AUTS2: variants seen among roughly 807,000 people sequenced by gnomAD.
AUTS2 encodes the protein autism susceptibility gene 2 protein.
AUTS2 carries 17 observed loss-of-function variants against 112.4 expected under a neutral mutation model. That is an observed-to-expected ratio of 0.15 (90% CI 0.10 to 0.23). The LOEUF (loss-of-function observed/expected upper bound fraction) is 0.23, where lower values mean the gene tolerates loss of function less well. Among genes scored for constraint, AUTS2 ranks in the 10% least tolerant of loss-of-function variants. The pLI is 1.00. For missense variants in AUTS2, 1,510 were observed against 1,701.6 expected (o/e 0.89, Z 1.98); for synonymous variants, 751 against 702.7 (o/e 1.07, Z -1.09).
In AUTS2 at chr7:70,032,069, G is replaced by T. The variant is rs150545226; in HGVS notation, c.523-86063G>T. Among the ~76,000 whole-genome samples the T allele has an allele frequency of 4.1e-4, 63 of 152,134 alleles. 2 individuals carry two copies. Among genetic ancestry groups the T allele is most frequent in the African/African-American group, 1.2e-3 (49 of 41,508 alleles). ...TGACTAAAGTCTTGGCACCAACTAA[G>T]TTCTTCTCATAGTGGGTCATAAAAG... On this transcript the variant is annotated intron_variant, in intron 2 of 18. Coordinates refer to ENST00000342771, the MANE Select transcript of AUTS2 (RefSeq NM_015570.4).
chr7:70,036,317 T>C (rs760527453), intron 2 of AUTS2, among the ~76,000 whole-genome samples: 14 of 152,342 alleles, frequency 9.2e-5, no homozygotes, highest in Non-Finnish European at 1.8e-4. Flanking sequence ...ATGAGAACTT[T>C]TAAGTAACAA....
intron 2 of AUTS2, among the ~76,000 whole-genome samples, chr7:70,087,907 C>T (rs1803695320): frequency 6.6e-6 from 1 of 152,072 alleles, no homozygotes; most frequent in Non-Finnish European, 1.5e-5. Context: ...AAGGGCTTTT[C>T]AGGTTTTCTA....
At chr7:70,125,245 ATG>A (rs59747508) in intron 3 of AUTS2, among the ~76,000 whole-genome samples, 5,701 of 144,668 alleles carry the variant, frequency 0.039, 129 homozygotes, top group African/African-American at 0.065. Flanking sequence ...TTATTTGGAG[ATG>A]TGTGTGTGTG....
rs1039735125 is a variant in AUTS2 at position 70,316,669 on chromosome 7, G to A, written c.661-119083G>A. Among the ~76,000 whole-genome samples the A allele has an allele frequency of 4.6e-5, 7 of 152,088 alleles. No homozygotes were observed. In the East Asian group the frequency reaches 1.3e-3, roughly 29 times the overall value. ...CCACCTTGGCCTCCCAAAGTGCTTG[G>A]ATTACAGGTGTGAGCCACCACACCC... On this transcript the variant is annotated intron_variant, in intron 4 of 18. Transcript: ENST00000342771.
At chr7:70,765,051 C>G in intron 8 of AUTS2, 46 bp downstream of exon 8, 1 of 1,606,202 alleles carries the variant, frequency 6.2e-7, no homozygotes, top group Non-Finnish European at 8.5e-7. Flanking sequence ...CCCACCGCCC[C>G]TCGCTGTGAC....
chr7:70,024,380 G>GAT (rs1020421825), intron 2 of AUTS2, among the ~76,000 whole-genome samples: 3 of 152,190 alleles, frequency 2.0e-5, no homozygotes, highest in Non-Finnish European at 4.4e-5. Flanking sequence ...CAATGGAATG[G>GAT]ATTGTTGCTT....
chr7:70,584,579 G>C (rs763746204), intron 5 of AUTS2, among the ~76,000 whole-genome samples: 46 of 152,220 alleles, frequency 3.0e-4, no homozygotes, highest in Non-Finnish European at 5.1e-4. Flanking sequence ...AATAAAGAAG[G>C]CATCTTGGGT....
chr7:70,245,433 A>G (rs1812873240), intron 4 of AUTS2, among the ~76,000 whole-genome samples: 1 of 152,154 alleles, frequency 6.6e-6, no homozygotes, highest in Non-Finnish European at 1.5e-5. Context: ...GAATACTTAC[A>G]GTAAACATTT....
At chr7:70,246,069 A>G (rs993784941) in intron 4 of AUTS2, among the ~76,000 whole-genome samples, 4 of 152,056 alleles carry the variant, frequency 2.6e-5, no homozygotes, top group African/African-American at 9.7e-5. Context: ...TTTCTTATTC[A>G]GTTATAAGAG....
At chr7:70,604,811 G>T (rs927355701) in intron 5 of AUTS2, among the ~76,000 whole-genome samples, 19 of 152,358 alleles carry the variant, frequency 1.2e-4, no homozygotes, top group Admixed American at 3.9e-4. Context: ...GCATCTAGCT[G>T]CAAGGGAGGC....
chr7:70,018,555 A>G (rs1363572435), intron 2 of AUTS2, among the ~76,000 whole-genome samples: 2 of 152,342 alleles, frequency 1.3e-5, no homozygotes, highest in African/African-American at 2.4e-5. Context: ...CTTCTCTATG[A>G]CATTGACTGT....
chr7:70,006,325 G>T (rs1025102700), intron 2 of AUTS2, among the ~76,000 whole-genome samples: 5 of 152,026 alleles, frequency 3.3e-5, no homozygotes, highest in African/African-American at 1.2e-4. Context: ...GAAACGAGGA[G>T]GGGGGAGAAG....
chr7:70,720,099 T>G (rs1464533473), intron 6 of AUTS2, among the ~76,000 whole-genome samples: 1 of 152,140 alleles, frequency 6.6e-6, no homozygotes, highest in Non-Finnish European at 1.5e-5. Flanking sequence ...TCCCCTACTT[T>G]AAAAAGCCTT....
At chr7:70,713,669 C>T (rs555291275) in intron 6 of AUTS2, among the ~76,000 whole-genome samples, 40 of 151,800 alleles carry the variant, frequency 2.6e-4, no homozygotes, top group African/African-American at 9.7e-4. Context: ...CCGAGGCAGG[C>T]GGATCACGAG....
chr7:70,476,990 A>G (rs988031941), intron 5 of AUTS2, among the ~76,000 whole-genome samples: 1 of 152,192 alleles, frequency 6.6e-6, no homozygotes, highest in Non-Finnish European at 1.5e-5. Context: ...TGAGGATGCC[A>G]GGTCTTTTCT....
At chr7:69,837,953 T>G (rs1791799097) in intron 1 of AUTS2, among the ~76,000 whole-genome samples, 1 of 152,190 alleles carries the variant, frequency 6.6e-6, no homozygotes, top group Non-Finnish European at 1.5e-5. Flanking sequence ...CAGCTAAGGC[T>G]CTGGACTAGA....
chr7:70,548,355 C>T (rs1800874542), intron 5 of AUTS2, among the ~76,000 whole-genome samples: 1 of 152,028 alleles, frequency 6.6e-6, no homozygotes, highest in East Asian at 1.9e-4. Flanking sequence ...TATTTTCTCC[C>T]AGTCAGTGGC....
rs1388193058 is a variant in AUTS2 at position 70,134,578 on chromosome 7, C to CT, written c.660+8dup. 9 of 1,613,018 alleles carry CT rather than the reference C, an allele frequency of 5.6e-6. No homozygotes were observed. The Admixed American group carries it at 1.2e-4, about 21-fold the overall frequency. ...CTTGGGAACAGGCTACTTCGTAAGT[C>CT]TATCTCAACTTCCACATATGTGCCT... On this transcript the variant is annotated splice_region_variant and intron_variant, in intron 4 of 18. Coordinates refer to ENST00000342771, the MANE Select transcript of AUTS2 (RefSeq NM_015570.4).
At position 69,916,985 on chromosome 7, in the gene AUTS2, CTTTATA is replaced by C. The variant is rs1200903919; in HGVS notation, c.522+17489_522+17494del. The stretch of plus-strand genomic sequence containing the variant: ...TTACTTATAGGTTAATTTCAACTTT[CTTTATA>C]TGGTATAGAAGCCCACACATTTTTT... On this transcript the variant is annotated intron_variant, in intron 2 of 18. Coordinates refer to ENST00000342771, the MANE Select transcript of AUTS2 (RefSeq NM_015570.4). Among the ~76,000 whole-genome samples the C allele has an allele frequency of 3.9e-5, 6 of 152,254 alleles. No homozygotes were observed. The East Asian group carries it at 9.6e-4, about 24-fold the overall frequency.
Sources: allele counts gnomAD v4.1 joint callset (sites outside exome capture counted in the v4.1 genomes callset), GRCh38; gene constraint gnomAD v4.1.1; transcripts MANE v1.5; gene names NCBI Gene and HGNC (gene_info 2026-07-23, HGNC 2026-07-21).